The following PCDHA13 variants were observed in gnomAD, a reference collection of about 807,000 sequenced individuals.
PCDHA13 encodes the protein protocadherin alpha-13.
Under a neutral mutation model 64.8 loss-of-function variants are expected in PCDHA13, and 54 were observed. The ratio of observed to expected loss-of-function variants is 0.83; its 90% CI spans 0.67 to 1.04. PCDHA13 has a LOEUF of 1.04. PCDHA13 is among the 50% of genes least tolerant of loss of function. The pLI is 0.00. For synonymous variants in PCDHA13, 587 were observed against 564.4 expected (o/e 1.04, Z -0.57); for missense variants, 1,248 against 1,254.3 (o/e 0.99, Z 0.08).
intron 1 of PCDHA13, among the ~76,000 whole-genome samples, chr5:140,900,747 CTTGGTAGCTCTATT>C (rs545406022): frequency 3.1e-4 from 47 of 152,302 alleles, no homozygotes; most frequent in African/African-American, 1.1e-3. Flanking sequence ...TTCTGGATCA[CTTGGTAGCTCTATT>C]TTTGGCTTTT....
chr5:140,946,936 A>T (rs1344601116), intron 1 of PCDHA13, among the ~76,000 whole-genome samples: 1 of 151,482 alleles, frequency 6.6e-6, no homozygotes, highest in Non-Finnish European at 1.5e-5. Context: ...AGTAGAGTGT[A>T]GTTAAGAATA....
At chr5:140,947,767 C>A (rs1585277827) in intron 1 of PCDHA13, among the ~76,000 whole-genome samples, 1 of 151,486 alleles carries the variant, frequency 6.6e-6, no homozygotes, top group East Asian at 1.9e-4. Context: ...TTAAAAAATT[C>A]TATTGTAAAT....
At chr5:140,976,585 C>A (rs1415996919) in intron 1 of PCDHA13, among the ~76,000 whole-genome samples, 1 of 152,064 alleles carries the variant, frequency 6.6e-6, no homozygotes, top group African/African-American at 2.4e-5. Flanking sequence ...AAAACACAGA[C>A]TTTTGTGTTA....
At position 140,883,594 on chromosome 5, in the gene PCDHA13, G is replaced by C. The variant is rs1562791129; in HGVS notation, c.1326G>C (p.Ser442=). 3.1e-6 allele frequency: 5 copies of C among 1,614,032 alleles called. No homozygotes were observed. Among genetic ancestry groups the C allele is most frequent in the South Asian group, 1.1e-5 (1 of 91,072 alleles). Residue 442 remains serine, a synonymous_variant, in exon 1 of 4, where the codon TCG becomes TCC. Transcript: ENST00000289272. ...SPSLWATASV[S]VGVADVNDNA... is the part of the protein sequence containing the mutation. ...CGCTGTGGGCCACGGCCAGCGTGTCGGTGGGGGTGGCCGACGTGAACGACA... is the reference window on the plus strand; with the variant it reads ...CGCTGTGGGCCACGGCCAGCGTGTCCGTGGGGGTGGCCGACGTGAACGACA...
intron 1 of PCDHA13, among the ~76,000 whole-genome samples, chr5:140,932,017 G>GT (rs1385498128): frequency 2.6e-5 from 4 of 151,792 alleles, no homozygotes; most frequent in African/African-American, 9.7e-5. Context: ...TTAGTTTACG[G>GT]TAAGTTTACA....
At chr5:140,905,380 T>G (rs1226315920) in intron 1 of PCDHA13, among the ~76,000 whole-genome samples, 1 of 152,216 alleles carries the variant, frequency 6.6e-6, no homozygotes, top group African/African-American at 2.4e-5. Context: ...TCTGTTCTGT[T>G]TCATAGGTCT....
intron 1 of PCDHA13, among the ~76,000 whole-genome samples, chr5:140,953,146 A>G (rs1554220822): frequency 6.6e-6 from 1 of 152,152 alleles, no homozygotes; most frequent in Non-Finnish European, 1.5e-5. Context: ...TTATATTTCT[A>G]TGAAGGGTGT....
chr5:140,906,957 G>T (rs1301709159), intron 1 of PCDHA13, among the ~76,000 whole-genome samples: 2 of 152,144 alleles, frequency 1.3e-5, no homozygotes, highest in Admixed American at 6.5e-5. Flanking sequence ...CCAGTTTAAT[G>T]GAATCGTGGT....
chr5:140,947,194 G>A (rs2094102779), intron 1 of PCDHA13, among the ~76,000 whole-genome samples: 1 of 151,018 alleles, frequency 6.6e-6, no homozygotes, highest in Admixed American at 6.6e-5. Context: ...ATACTACACA[G>A]CCTTAAAAAA....
At chr5:140,957,689 A>G (rs2095375568) in intron 1 of PCDHA13, among the ~76,000 whole-genome samples, 1 of 152,234 alleles carries the variant, frequency 6.6e-6, no homozygotes. Flanking sequence ...TATCTAGACA[A>G]TGAACATTAT....
chr5:141,006,921 A>G (rs1229765479), intron 3 of PCDHA13, among the ~76,000 whole-genome samples: 1 of 152,176 alleles, frequency 6.6e-6, no homozygotes, highest in Non-Finnish European at 1.5e-5. Context: ...TGCCCATGAG[A>G]TTTCCAACTG....
At chr5:140,929,231 T>G in intron 1 of PCDHA13, 2 of 1,613,886 alleles carry the variant, frequency 1.2e-6, no homozygotes, top group Non-Finnish European at 1.7e-6. Context: ...GCTGCCGACC[T>G]GCGAAATCTT....
chr5:140,985,273 T>C (rs1554246915), intron 3 of PCDHA13, among the ~76,000 whole-genome samples: 1 of 152,178 alleles, frequency 6.6e-6, no homozygotes, highest in African/African-American at 2.4e-5. Context: ...GGACTACTTT[T>C]CTGCAATCTA....
At chr5:140,901,922 G>A (rs2068984254) in intron 1 of PCDHA13, among the ~76,000 whole-genome samples, 2 of 151,732 alleles carry the variant, frequency 1.3e-5, no homozygotes. Flanking sequence ...TCACTTCTTT[G>A]GTTAATTCCT....
intron 1 of PCDHA13, among the ~76,000 whole-genome samples, chr5:140,959,089 C>T (rs150796442): frequency 0.023 from 3,565 of 152,100 alleles, 49 homozygotes; most frequent in Middle Eastern, 0.034. Context: ...TCCTTGGTTT[C>T]GGACATTCAG....
At position 140,968,542 on chromosome 5, in the gene PCDHA13, G is replaced by A. The variant is rs782474856; in HGVS notation, c.2395-10407G>A. On this transcript the variant is annotated intron_variant, in intron 1 of 3. Transcript: ENST00000289272. ...CAACCAACTCGTCAGCAGCCTTCGA[G>A]ATGGTGCCTCGAACTGCCCCTGCTG... is the stretch of plus-strand genomic sequence containing the variant. The A allele has an allele frequency of 1.1e-5, 18 of 1,614,204 alleles. 2 individuals are homozygous for A. In the South Asian group the frequency reaches 2.0e-4, roughly 18 times the overall value.
intron 1 of PCDHA13, among the ~76,000 whole-genome samples, chr5:140,976,481 G>A (rs549195125): frequency 6.6e-6 from 1 of 152,160 alleles, no homozygotes; most frequent in South Asian, 2.1e-4. Flanking sequence ...AATCCGGGAG[G>A]CAGAGGTTGC....
chr5:140,895,561 T>C (rs1011627715), intron 1 of PCDHA13, among the ~76,000 whole-genome samples: 2 of 152,240 alleles, frequency 1.3e-5, no homozygotes, highest in Non-Finnish European at 2.9e-5. Flanking sequence ...TCTTTATATA[T>C]TCTAGATGCA....
intron 1 of PCDHA13, among the ~76,000 whole-genome samples, chr5:140,922,088 T>C (rs1361534405): frequency 6.6e-6 from 1 of 152,184 alleles, no homozygotes; most frequent in Non-Finnish European, 1.5e-5. Context: ...AAGTGGTATT[T>C]CTACCAACTA....
Sources: allele counts gnomAD v4.1 joint callset (sites outside exome capture counted in the v4.1 genomes callset), GRCh38; gene constraint gnomAD v4.1.1; transcripts MANE v1.5; gene names NCBI Gene and HGNC (gene_info 2026-07-23, HGNC 2026-07-21).